The following FRYL variants were observed in gnomAD, a reference collection of about 807,000 sequenced individuals.
FRYL encodes the protein protein furry homolog-like.
In FRYL, 150 loss-of-function variants were observed where a neutral mutation model predicts 351.2. The ratio of observed to expected loss-of-function variants is 0.43; its 90% CI spans 0.37 to 0.49. The LOEUF (loss-of-function observed/expected upper bound fraction) is 0.49. Among genes scored for constraint, FRYL ranks in the 20% least tolerant of loss-of-function variants. The pLI is 0.00. For missense variants in FRYL, 3,036 were observed against 3,619.3 expected, an observed-to-expected ratio of 0.84 and a Z score of 4.13; for synonymous variants, 1,153 against 1,257.1, an observed-to-expected ratio of 0.92 and a Z score of 1.75.
intron 1 of FRYL, among the ~76,000 whole-genome samples, chr4:48,728,833 C>T (rs1465889056): frequency 5.9e-5 from 9 of 152,290 alleles, no homozygotes; most frequent in Admixed American, 5.9e-4. Flanking sequence ...TTCTGCATTT[C>T]CAACTGAGGT....
intron 18 of FRYL, among the ~76,000 whole-genome samples, chr4:48,588,737 T>C (rs1742646296): frequency 6.6e-6 from 1 of 152,138 alleles, no homozygotes; most frequent in Admixed American, 6.5e-5. Flanking sequence ...CCTCCACATG[T>C]GCAGTGTCCC....
rs146914218 is a variant in FRYL at position 48,656,728 on chromosome 4, C to CTATATA, written c.-80-22244_-80-22239dup. 6.3e-3 allele frequency among the ~76,000 whole-genome samples: 908 copies of CTATATA among 144,940 alleles called. 23 individuals carry two copies. Among genetic ancestry groups the CTATATA allele is most frequent in the African/African-American group, 0.012 (452 of 39,262 alleles). On this transcript the variant is annotated intron_variant, in intron 3 of 63. Transcript: ENST00000358350. Reference sequence around the variant, plus strand: ...ATATAAAATGTATATATATGACTGACTATATATATATATATTTATTTATCG... The same window carrying CTATATA: ...ATATAAAATGTATATATATGACTGACTATATATATATATATATATATTTATTTATCG...
intron 1 of FRYL, among the ~76,000 whole-genome samples, chr4:48,731,377 T>G (rs1378581901): frequency 6.6e-6 from 1 of 152,140 alleles, no homozygotes; most frequent in African/African-American, 2.4e-5. Flanking sequence ...ATTTATAGAT[T>G]CCATGCTATC....
intron 26 of FRYL, 109 bp from the exon 27 acceptor site, chr4:48,571,027 T>C: frequency 1.2e-6 from 1 of 804,198 alleles, no homozygotes; most frequent in Admixed American, 2.1e-5. Flanking sequence ...TTATTTTGCT[T>C]GTACAGTGTA....
chr4:48,712,269 C>T (rs1335397155), intron 1 of FRYL, among the ~76,000 whole-genome samples: 13 of 152,108 alleles, frequency 8.5e-5, no homozygotes, highest in African/African-American at 1.4e-4. Flanking sequence ...CAAACTACTC[C>T]GAGATACAGG....
chr4:48,547,810 T>G, intron 40 of FRYL, 41 bp from the exon 41 acceptor site: 1 of 1,290,136 alleles, frequency 7.8e-7, no homozygotes, highest in Non-Finnish European at 1.0e-6. Flanking sequence ...TAAAGAGAAA[T>G]AATGAGTATT....
intron 1 of FRYL, among the ~76,000 whole-genome samples, chr4:48,768,274 TC>T (rs1386026662): frequency 6.6e-6 from 1 of 152,178 alleles, no homozygotes; most frequent in Non-Finnish European, 1.5e-5. Context: ...ACAAATGGAT[TC>T]TTAAAAGATT....
At chr4:48,718,430 C>T (rs1027123246) in intron 1 of FRYL, among the ~76,000 whole-genome samples, 24 of 151,384 alleles carry the variant, frequency 1.6e-4, no homozygotes, top group Admixed American at 1.1e-3. Context: ...TCTATTTAGC[C>T]AACCCAACTG....
At chr4:48,660,343 C>T (rs997671232) in intron 3 of FRYL, among the ~76,000 whole-genome samples, 25 of 152,186 alleles carry the variant, frequency 1.6e-4, no homozygotes, top group Admixed American at 1.3e-4. Flanking sequence ...AAAGGCCTTA[C>T]AAGGTTGGCC....
intron 62 of FRYL, among the ~76,000 whole-genome samples, chr4:48,500,687 C>A (rs1236036818): frequency 1.3e-5 from 2 of 151,972 alleles, no homozygotes; most frequent in African/African-American, 4.8e-5. Flanking sequence ...CAGCAGATGA[C>A]AAGGGGGGGA....
intron 16 of FRYL, 29 bp downstream of exon 16, chr4:48,593,901 T>C: frequency 9.3e-7 from 1 of 1,077,568 alleles, no homozygotes. Context: ...AATCTAGGAT[T>C]TTATATTATT....
chr4:48,770,705 G>A (rs187171736), intron 1 of FRYL, among the ~76,000 whole-genome samples: 378 of 152,250 alleles, frequency 2.5e-3, no homozygotes, highest in Non-Finnish European at 4.1e-3. Context: ...CCAAAGTGCT[G>A]GAATTACAGG....
chr4:48,624,869 C>G (rs1244000902), intron 4 of FRYL, among the ~76,000 whole-genome samples: 1 of 152,142 alleles, frequency 6.6e-6, no homozygotes, highest in African/African-American at 2.4e-5. Flanking sequence ...GGTGACCTTC[C>G]CATAAGTAAG....
intron 3 of FRYL, among the ~76,000 whole-genome samples, chr4:48,658,417 T>C (rs1359547283): frequency 6.6e-6 from 1 of 151,860 alleles, no homozygotes; most frequent in Non-Finnish European, 1.5e-5. Context: ...AGTCTTCTCT[T>C]TTCTGGAGTT....
At chr4:48,754,806 T>A (rs1773611958) in intron 1 of FRYL, among the ~76,000 whole-genome samples, 1 of 152,066 alleles carries the variant, frequency 6.6e-6, no homozygotes, top group Non-Finnish European at 1.5e-5. Context: ...CATGCCTTGC[T>A]AATTTTTGCA....
At chr4:48,596,632 T>G (rs918150696) in intron 13 of FRYL, among the ~76,000 whole-genome samples, 1 of 152,098 alleles carries the variant, frequency 6.6e-6, no homozygotes, top group South Asian at 2.1e-4. Context: ...AGTTAATATC[T>G]GTAAAGCACT....
intron 15 of FRYL, among the ~76,000 whole-genome samples, chr4:48,594,956 G>C (rs17472365): frequency 0.48 from 73,182 of 151,686 alleles, 17,791 homozygotes; most frequent in South Asian, 0.62. Flanking sequence ...TTAACAAAAA[G>C]CTTGAGGATA....
intron 3 of FRYL, among the ~76,000 whole-genome samples, chr4:48,674,736 C>CAAAAA (rs58696045): frequency 0.17 from 9,203 of 55,766 alleles, 2,649 homozygotes; most frequent in Middle Eastern, 0.22. Context: ...GACTCTGTCT[C>CAAAAA]AAAAAAAAAA....
chr4:48,738,293 CT>C (rs1442722472), intron 1 of FRYL, among the ~76,000 whole-genome samples: 1 of 152,162 alleles, frequency 6.6e-6, no homozygotes, highest in African/African-American at 2.4e-5. Context: ...AAGCCAACTA[CT>C]TTCCTATAAA....
Sources: allele counts gnomAD v4.1 joint callset (sites outside exome capture counted in the v4.1 genomes callset), GRCh38; gene constraint gnomAD v4.1.1; transcripts MANE v1.5; gene names NCBI Gene and HGNC (gene_info 2026-07-23, HGNC 2026-07-21).